NFATC2: variants seen among roughly 807,000 people sequenced by gnomAD.
The protein encoded by NFATC2 is nuclear factor of activated T-cells, cytoplasmic 2.
NFATC2 carries 22 observed loss-of-function variants against 87.3 expected under a neutral mutation model. That is an observed-to-expected ratio of 0.25 (90% CI 0.18 to 0.36). NFATC2 has a LOEUF of 0.36. Among genes scored for constraint, NFATC2 ranks in the 10% least tolerant of loss-of-function variants. The probability of loss-of-function intolerance (pLI) is 1.00; values close to 1 mark genes in which losing one functional copy is unlikely to be tolerated. For missense variants in NFATC2, 1,149 were observed against 1,259.1 expected (o/e 0.91, Z 1.32); for synonymous variants, 565 against 542.2 (o/e 1.04, Z -0.58).
intron 3 of NFATC2, among the ~76,000 whole-genome samples, chr20:51,491,548 T>G (rs1354308149): frequency 1.3e-5 from 2 of 152,046 alleles, no homozygotes; most frequent in African/African-American, 4.8e-5. Context: ...GCTCCCGGTG[T>G]GACGATACTG....
Position 51,432,952 on chromosome 20 carries a change from C to T in NFATC2, c.2033-196G>A, listed in dbSNP as rs1982993584. The stretch of plus-strand genomic sequence containing the variant: ...TCTTAGGTAGGAAATTTTACCCTGG[C>T]CATGAACATCTTGAATTATAGATTT... On this transcript the variant is annotated intron_variant, in intron 8 of 10. Coordinates refer to ENST00000371564, the MANE Select transcript of NFATC2 (RefSeq NM_012340.5). This position sits in a 1 kb window ranked among gnomAD's most constrained non-coding sequence, Gnocchi z 4.6. 6.6e-6 allele frequency among the ~76,000 whole-genome samples: 1 copy of T among 152,050 alleles called. No individual in the cohort carries two copies. The highest frequency in any genetic ancestry group is 1.5e-5 in the Non-Finnish European group (1 of 67,994).
chr20:51,427,456 A>G (rs1042556698), intron 9 of NFATC2, among the ~76,000 whole-genome samples: 1 of 152,176 alleles, frequency 6.6e-6, no homozygotes, highest in East Asian at 1.9e-4. Flanking sequence ...CGCTCATGAC[A>G]GGGCCTGCGG....
chr20:51,523,107 C>G lies in NFATC2; in HGVS notation c.1134G>C (p.Pro378=). 1 of 1,614,256 alleles carries G rather than the reference C, an allele frequency of 6.2e-7. No individual in the cohort carries two copies. The highest frequency in any genetic ancestry group is 8.5e-7 in the Non-Finnish European group (1 of 1,180,056). ...TGCAGATGGGAATGGCAGGCACCAG[C>G]GGCTTGGGCCAAGTGGGCGGAACCA... ...ILLVPPTWPK[P]LVPAIPICSI... The change falls in exon 2 of 11, where the codon CCG becomes CCC. Residue 378 remains proline, a synonymous_variant. Transcript: ENST00000371564. The surrounding 1 kb of genome is among the most constrained non-coding windows in gnomAD (Gnocchi z 6.9).
chr20:51,514,635 G>T (rs1012381235), intron 3 of NFATC2, among the ~76,000 whole-genome samples: 1 of 152,196 alleles, frequency 6.6e-6, no homozygotes, highest in Non-Finnish European at 1.5e-5. Context: ...CACTTTGGGA[G>T]GCCGAGGTGG....
At chr20:51,436,524 C>CA (rs1196194021) in intron 6 of NFATC2, among the ~76,000 whole-genome samples, 1 of 151,746 alleles carries the variant, frequency 6.6e-6, no homozygotes, top group African/African-American at 2.4e-5. Flanking sequence ...GCCTGGCCAG[C>CA]ATGGTGAAAC....
chr20:51,430,160 G>A (rs1982480905), intron 9 of NFATC2, among the ~76,000 whole-genome samples: 1 of 152,190 alleles, frequency 6.6e-6, no homozygotes, highest in Non-Finnish European at 1.5e-5. Context: ...GGAGAGGCCA[G>A]TGTGTTTCTC....
At chr20:51,425,998 G>A (rs1981764378) in intron 9 of NFATC2, among the ~76,000 whole-genome samples, 1 of 152,186 alleles carries the variant, frequency 6.6e-6, no homozygotes, top group Non-Finnish European at 1.5e-5. Context: ...GAGGTCCCCT[G>A]GAGGAAGCGG....
At chr20:51,440,376 A>G (rs1984166899) in intron 6 of NFATC2, among the ~76,000 whole-genome samples, 1 of 152,230 alleles carries the variant, frequency 6.6e-6, no homozygotes, top group Non-Finnish European at 1.5e-5. Flanking sequence ...GAAAAACACA[A>G]GCATTTTAAA....
At chr20:51,507,101 G>A (rs1240284970) in intron 3 of NFATC2, among the ~76,000 whole-genome samples, 2 of 152,226 alleles carry the variant, frequency 1.3e-5, no homozygotes, top group African/African-American at 2.4e-5. Flanking sequence ...TGCCTGGGGC[G>A]TGATGCTGCT....
chr20:51,396,367 G>T lies in NFATC2; in HGVS notation c.*44+2276C>A, dbSNP rs74476038. Among the ~76,000 whole-genome samples the T allele has an allele frequency of 1.0e-2, 1,514 of 152,082 alleles. 32 individuals carry two copies. Among genetic ancestry groups the T allele is most frequent in the African/African-American group, 0.035 (1,468 of 41,486 alleles). On this transcript the variant is annotated intron_variant, in intron 10 of 10. Coordinates refer to ENST00000371564, the MANE Select transcript of NFATC2 (RefSeq NM_012340.5). Reference sequence around the variant, plus strand: ...GATTACATGGGGAAAACAACCCAGAGGTATTAATACTTCAGGTGCAATTTA... The same window carrying T: ...GATTACATGGGGAAAACAACCCAGATGTATTAATACTTCAGGTGCAATTTA...
intron 1 of NFATC2, among the ~76,000 whole-genome samples, chr20:51,528,776 G>A (rs890028968): frequency 1.4e-4 from 22 of 152,316 alleles, no homozygotes; most frequent in Admixed American, 9.1e-4. Flanking sequence ...TACGAAGCAG[G>A]AAATGAAGAG....
upstream of NFATC2, among the ~76,000 whole-genome samples, chr20:51,543,355 A>G (rs2076856163): frequency 6.6e-6 from 1 of 152,216 alleles, no homozygotes; most frequent in East Asian, 1.9e-4. Context: ...GGAGAGAAAC[A>G]GGACAAAAAG....
intron 3 of NFATC2, among the ~76,000 whole-genome samples, chr20:51,491,927 C>T (rs1267933843): frequency 6.7e-6 from 1 of 149,282 alleles, no homozygotes; most frequent in African/African-American, 2.5e-5. Flanking sequence ...CACCCCTTGC[C>T]CCAGCCCTAC....
intron 3 of NFATC2, among the ~76,000 whole-genome samples, chr20:51,502,443 A>G (rs1474873493): frequency 6.6e-6 from 1 of 151,760 alleles, no homozygotes; most frequent in African/African-American, 2.4e-5. Flanking sequence ...TTCTACTGTA[A>G]CCTCCCAACT....
intron 5 of NFATC2, among the ~76,000 whole-genome samples, chr20:51,463,743 C>A (rs1987390274): frequency 6.6e-6 from 1 of 152,194 alleles, no homozygotes; most frequent in Non-Finnish European, 1.5e-5. Context: ...CTTTTCTGTG[C>A]CTCCATCACT....
chr20:51,434,015 A>G (rs965869659), intron 8 of NFATC2, among the ~76,000 whole-genome samples: 1 of 152,166 alleles, frequency 6.6e-6, no homozygotes, highest in African/African-American at 2.4e-5. Flanking sequence ...ATCTGAGAGC[A>G]TGTCTGCTCA....
At position 51,523,818 on chromosome 20, in the gene NFATC2, G is replaced by A; in HGVS notation, c.423C>T (p.Pro141=). 1 of 1,609,432 alleles carries A rather than the reference G, an allele frequency of 6.2e-7. No homozygotes were observed. Among genetic ancestry groups the A allele is most frequent in the Non-Finnish European group, 8.5e-7 (1 of 1,177,874 alleles). The stretch of plus-strand genomic sequence containing the variant: ...TCGGGCTGGCGGCCACCCCGGCCAG[G>A]GGCGGCTGCTCCACCAGGAGGCCCG... ...RDAGLLVEQP[P]LAGVAASPRF... Residue 141 remains proline (P), a synonymous_variant, in exon 2 of 11, where the codon CCC becomes CCT. Coordinates refer to ENST00000371564, the MANE Select transcript of NFATC2 (RefSeq NM_012340.5). The surrounding 1 kb of genome is among the most constrained non-coding windows in gnomAD (Gnocchi z 6.9).
intron 10 of NFATC2, among the ~76,000 whole-genome samples, chr20:51,393,151 C>T (rs1986565148): frequency 6.6e-6 from 1 of 152,120 alleles, no homozygotes. Flanking sequence ...TTGTTTTGTG[C>T]CAGAACATCA....
chr20:51,479,128 T>C (rs914852382), intron 3 of NFATC2, among the ~76,000 whole-genome samples: 24 of 152,074 alleles, frequency 1.6e-4, no homozygotes, highest in African/African-American at 5.3e-4. Flanking sequence ...TTTTTCCCCC[T>C]GGAAAACTGG....
Sources: gnomAD v4.1 joint callset for allele counts (sites outside exome capture counted in the v4.1 genomes callset) on GRCh38, gnomAD v4.1.1 for gene constraint, Gnocchi (gnomAD v3.1) non-coding constraint, MANE v1.5 for transcripts, NCBI Gene and HGNC (gene_info 2026-07-23, HGNC 2026-07-21) for gene names.